The following ME3 variants were observed in gnomAD, a reference collection of about 807,000 sequenced individuals.
ME3 encodes NADP-dependent malic enzyme, mitochondrial.
ME3 carries 48 observed loss-of-function variants against 68.9 expected under a neutral mutation model. The ratio of observed to expected loss-of-function variants is 0.70; its 90% CI spans 0.55 to 0.89. ME3 has a LOEUF of 0.89. ME3 is among the 40% of genes least tolerant of loss of function. The pLI is 0.00. For synonymous variants in ME3, 320 were observed against 318.8 expected (o/e 1.00, Z -0.04); for missense variants, 675 against 797.4 (o/e 0.85, Z 1.85).
At chr11:86,647,970 A>G (rs954651308) in intron 2 of ME3, among the ~76,000 whole-genome samples, 1 of 152,200 alleles carries the variant, frequency 6.6e-6, no homozygotes, top group Admixed American at 6.5e-5. Flanking sequence ...TCTCAGAACC[A>G]CATAGCACTT....
At chr11:86,664,022 T>G (rs1039219186) in intron 2 of ME3, among the ~76,000 whole-genome samples, 1 of 152,254 alleles carries the variant, frequency 6.6e-6, no homozygotes, top group African/African-American at 2.4e-5. Flanking sequence ...TGTTATTACT[T>G]TATTGCCTCT....
intron 7 of ME3, among the ~76,000 whole-genome samples, chr11:86,466,982 T>C (rs1050879790): frequency 6.6e-6 from 1 of 152,236 alleles, no homozygotes; most frequent in East Asian, 1.9e-4. Context: ...CTGTGAACTA[T>C]TGTGAGGGTT....
chr11:86,457,567 TAA>T (rs1466222722), intron 8 of ME3: 22 of 1,163,280 alleles, frequency 1.9e-5, no homozygotes, highest in Non-Finnish European at 2.4e-5. Flanking sequence ...ATTTGGCAAA[TAA>T]AGTTATCTCC....
intron 4 of ME3, among the ~76,000 whole-genome samples, chr11:86,525,477 TCTC>T (rs1386222141): frequency 6.6e-6 from 1 of 151,210 alleles, no homozygotes; most frequent in Non-Finnish European, 1.5e-5. Flanking sequence ...ATGAATTAAT[TCTC>T]CTATCAAAAG....
At chr11:86,528,309 T>A (rs1331559280) in intron 4 of ME3, among the ~76,000 whole-genome samples, 1 of 152,124 alleles carries the variant, frequency 6.6e-6, no homozygotes, top group South Asian at 2.1e-4. Context: ...AAGCTAACTA[T>A]CCTAAGTATA....
intron 2 of ME3, among the ~76,000 whole-genome samples, chr11:86,640,274 C>T (rs778666418): frequency 6.6e-5 from 10 of 152,256 alleles, no homozygotes; most frequent in Non-Finnish European, 1.0e-4. Flanking sequence ...CCACAGAACA[C>T]GTTAGCTTCT....
chr11:86,483,788 C>G (rs1951545156), intron 7 of ME3, among the ~76,000 whole-genome samples: 1 of 152,164 alleles, frequency 6.6e-6, no homozygotes, highest in Admixed American at 6.5e-5. Flanking sequence ...TTCTGTCCAG[C>G]CCAGGCCAAT....
At chr11:86,563,617 A>T (rs912497401) in intron 2 of ME3, among the ~76,000 whole-genome samples, 1 of 152,110 alleles carries the variant, frequency 6.6e-6, no homozygotes, top group African/African-American at 2.4e-5. Flanking sequence ...CACTGAGTTA[A>T]TTTTTATATA....
chr11:86,435,858 C>G, the ME3 span: 1 of 152,258 alleles, frequency 6.6e-6, no homozygotes, highest in Non-Finnish European at 1.5e-5. Flanking sequence ...CCTTTGGGCC[C>G]TTGAATCAAC....
At chr11:86,531,089 A>C (rs1308337466) in intron 4 of ME3, among the ~76,000 whole-genome samples, 2 of 152,258 alleles carry the variant, frequency 1.3e-5, no homozygotes, top group African/African-American at 4.8e-5. Flanking sequence ...AAATTTTTGC[A>C]TTCTACTCAT....
intron 2 of ME3, among the ~76,000 whole-genome samples, chr11:86,598,020 T>C (rs1205213636): frequency 6.6e-6 from 1 of 152,132 alleles, no homozygotes; most frequent in Non-Finnish European, 1.5e-5. Flanking sequence ...GCATGAGCCA[T>C]GCAGAAGATG....
chr11:86,588,582 G>A (rs752879606), intron 2 of ME3, among the ~76,000 whole-genome samples: 34 of 152,134 alleles, frequency 2.2e-4, no homozygotes, highest in Non-Finnish European at 3.4e-4. Flanking sequence ...GGGCAACACA[G>A]CAAGCTGGAG....
chr11:86,580,788 C>A (rs1445074272), intron 2 of ME3, among the ~76,000 whole-genome samples: 1 of 152,162 alleles, frequency 6.6e-6, no homozygotes, highest in Non-Finnish European at 1.5e-5. Context: ...GCAAAATAAT[C>A]ATTTTTTTGC....
chr11:86,628,412 C>G (rs1338175911), intron 2 of ME3, among the ~76,000 whole-genome samples: 1 of 152,198 alleles, frequency 6.6e-6, no homozygotes, highest in Non-Finnish European at 1.5e-5. Context: ...AGCAGTTGTT[C>G]TTAGTTTTGG....
intron 4 of ME3, among the ~76,000 whole-genome samples, chr11:86,521,147 T>C (rs1954244950): frequency 6.6e-6 from 1 of 152,204 alleles, no homozygotes; most frequent in South Asian, 2.1e-4. Flanking sequence ...CCCAGCACTT[T>C]GGGAGGCCGA....
chr11:86,559,858 G>T (rs773170597), intron 2 of ME3, 35 bp from the exon 3 acceptor site: 1 of 1,604,682 alleles, frequency 6.2e-7, no homozygotes, highest in Non-Finnish European at 8.5e-7. Context: ...CCACACATAA[G>T]TGCATACTCA....
chr11:86,556,889 T>G (rs1956958613), intron 3 of ME3, among the ~76,000 whole-genome samples, 187 bp from the exon 4 acceptor site: 1 of 152,206 alleles, frequency 6.6e-6, no homozygotes, highest in African/African-American at 2.4e-5. Flanking sequence ...GTGGTGCTTA[T>G]TATTATACAT....
chr11:86,599,746 G>A (rs1028114894), intron 2 of ME3, among the ~76,000 whole-genome samples: 9 of 152,140 alleles, frequency 5.9e-5, no homozygotes, highest in East Asian at 3.8e-4. Flanking sequence ...GACTGACAGC[G>A]GATCTCTTGG....
intron 4 of ME3, among the ~76,000 whole-genome samples, chr11:86,548,207 C>T (rs1345979061): frequency 1.3e-5 from 2 of 152,216 alleles, no homozygotes; most frequent in African/African-American, 4.8e-5. Flanking sequence ...AATCTCAAAG[C>T]TTTCACTAAA....
Sources: allele counts gnomAD v4.1 joint callset (sites outside exome capture counted in the v4.1 genomes callset), GRCh38; gene constraint gnomAD v4.1.1; transcripts MANE v1.5; gene names NCBI Gene and HGNC (gene_info 2026-07-23, HGNC 2026-07-21).